The following CNTN1 variants were observed in gnomAD, a reference collection of about 807,000 sequenced individuals.
CNTN1 encodes contactin-1.
CNTN1 carries 38 observed loss-of-function variants against 126.4 expected under a neutral mutation model. The observed-to-expected ratio is 0.30, with a 90% CI of 0.23 to 0.39. The LOEUF is 0.39. Among genes scored for constraint, CNTN1 ranks in the 10% least tolerant of loss-of-function variants. The pLI is 1.00. For missense variants in CNTN1, 1,009 were observed against 1,248.4 expected (o/e 0.81, Z 2.89); for synonymous variants, 413 against 422.6 (o/e 0.98, Z 0.28).
intron 1 of CNTN1, among the ~76,000 whole-genome samples, chr12:40,836,983 A>G (rs1327876745): frequency 2.0e-5 from 3 of 152,182 alleles, no homozygotes; most frequent in Non-Finnish European, 4.4e-5. Flanking sequence ...TTTTCTTGGC[A>G]CTTTGCAGAA....
At chr12:40,940,626 GT>G (rs891613532) in intron 12 of CNTN1, among the ~76,000 whole-genome samples, 7 of 152,236 alleles carry the variant, frequency 4.6e-5, no homozygotes, top group African/African-American at 1.7e-4. Flanking sequence ...AGAACTTGAA[GT>G]TGTAAGACAT....
At chr12:41,033,606 A>C (rs1261803383) in intron 23 of CNTN1, among the ~76,000 whole-genome samples, 3 of 152,154 alleles carry the variant, frequency 2.0e-5, no homozygotes, top group Non-Finnish European at 4.4e-5. Flanking sequence ...AGTCATTTGA[A>C]ATTTTTAAGG....
Position 41,001,633 on chromosome 12 carries a change from T to C in CNTN1, c.2113+8364T>C, listed in dbSNP as rs376194705. Among the ~76,000 whole-genome samples, 23 of 152,352 alleles carry C rather than the reference T, an allele frequency of 1.5e-4. No homozygotes were observed. In the East Asian group the frequency reaches 2.3e-3, roughly 15 times the overall value. On this transcript the variant is annotated intron_variant, in intron 17 of 23. Coordinates refer to ENST00000551295, the MANE Select transcript of CNTN1 (RefSeq NM_001843.4). ...CTAATTTGCCAATTTTTGCTATTGT[T>C]ACAATTGCTTTTGGCATCTTCATCA...
chr12:40,944,260 C>A, intron 14 of CNTN1, 90 bp downstream of exon 14: 1 of 1,257,110 alleles, frequency 8.0e-7, no homozygotes, highest in Non-Finnish European at 1.1e-6. Flanking sequence ...CATTTTATAT[C>A]ATCTTTGTTT....
At chr12:40,880,583 CTT>C (rs1943837753) in intron 1 of CNTN1, among the ~76,000 whole-genome samples, 1 of 151,964 alleles carries the variant, frequency 6.6e-6, no homozygotes, top group African/African-American at 2.4e-5. Context: ...CAAAAAGAAA[CTT>C]TACTCTTAAG....
At chr12:40,825,829 A>G (rs1257127773) in intron 1 of CNTN1, among the ~76,000 whole-genome samples, 2 of 151,738 alleles carry the variant, frequency 1.3e-5, no homozygotes, top group African/African-American at 4.8e-5. Context: ...GATGATGACA[A>G]TGATGATGAT....
At chr12:40,921,497 T>A (rs1266865268) in intron 4 of CNTN1, among the ~76,000 whole-genome samples, 1 of 152,238 alleles carries the variant, frequency 6.6e-6, no homozygotes, top group Non-Finnish European at 1.5e-5. Context: ...CCAGTCTATT[T>A]ATAACACTAT....
At chr12:40,991,735 G>A (rs1423449146) in intron 16 of CNTN1, among the ~76,000 whole-genome samples, 1 of 152,218 alleles carries the variant, frequency 6.6e-6, no homozygotes, top group Non-Finnish European at 1.5e-5. Flanking sequence ...GGCTGAGGCA[G>A]GAGAATGGCG....
chr12:41,036,799 G>A (rs1173943064), intron 23 of CNTN1, among the ~76,000 whole-genome samples: 1 of 152,026 alleles, frequency 6.6e-6, no homozygotes, highest in East Asian at 1.9e-4. Context: ...TGCTAGAAGT[G>A]CAATGACTGG....
intron 3 of CNTN1, among the ~76,000 whole-genome samples, chr12:40,911,232 A>C (rs535861660): frequency 1.6e-3 from 240 of 152,000 alleles, no homozygotes; most frequent in Non-Finnish European, 1.6e-3. Flanking sequence ...AGGCACCCGC[A>C]ACCACGCCCG....
chr12:41,029,350 G>T, intron 23 of CNTN1, 131 bp downstream of exon 23: 1 of 1,028,236 alleles, frequency 9.7e-7, no homozygotes. Context: ...ACATATCAAG[G>T]ATTCCCTGAA....
intron 14 of CNTN1, among the ~76,000 whole-genome samples, chr12:40,949,199 T>G (rs894321739): frequency 8.7e-5 from 7 of 80,002 alleles, no homozygotes; most frequent in Admixed American, 3.9e-4. Flanking sequence ...AGTCAATTTG[T>G]TTTTTTTTTT....
At chr12:40,811,454 A>G (rs1941057432) in intron 1 of CNTN1, among the ~76,000 whole-genome samples, 2 of 152,030 alleles carry the variant, frequency 1.3e-5, no homozygotes, top group Admixed American at 1.3e-4. Context: ...CTTCTCTATA[A>G]TTTTTCAAGC....
chr12:40,714,258 G>A lies in CNTN1; in HGVS notation c.-77+21666G>A, dbSNP rs140624494. Among the ~76,000 whole-genome samples, 31 of 152,120 alleles carry A rather than the reference G, an allele frequency of 2.0e-4. No individual in the cohort carries two copies. In the East Asian group the frequency reaches 4.8e-3, roughly 24 times the overall value. ...AACTCAAGAAAGTCAAGCAGTTTGG[G>A]CACTTCATGAAGAAAAGTGGAACAG... On this transcript the variant is annotated intron_variant, in intron 1 of 23. Coordinates refer to ENST00000551295, the MANE Select transcript of CNTN1 (RefSeq NM_001843.4).
At chr12:40,794,815 G>A (rs1422948701) in intron 1 of CNTN1, among the ~76,000 whole-genome samples, 1 of 152,010 alleles carries the variant, frequency 6.6e-6, no homozygotes, top group African/African-American at 2.4e-5. Context: ...TGCCAATTGA[G>A]GAAGGAAGAA....
chr12:40,991,222 A>G (rs1330883239), intron 16 of CNTN1, among the ~76,000 whole-genome samples: 5 of 151,856 alleles, frequency 3.3e-5, no homozygotes, highest in Admixed American at 3.3e-4. Flanking sequence ...TCACTTTCAT[A>G]TCTACCTTGG....
intron 1 of CNTN1, among the ~76,000 whole-genome samples, chr12:40,700,207 CT>C (rs1015078118): frequency 4.6e-5 from 7 of 151,516 alleles, no homozygotes; most frequent in South Asian, 2.1e-4. Context: ...CTTTCCCTTA[CT>C]TTTTTTTTAA....
chr12:41,065,340 C>A (rs1356667719), intron 23 of CNTN1, among the ~76,000 whole-genome samples: 1 of 152,138 alleles, frequency 6.6e-6, no homozygotes, highest in Non-Finnish European at 1.5e-5. Flanking sequence ...CAGGCGTGAG[C>A]CACCGCACCC....
intron 1 of CNTN1, among the ~76,000 whole-genome samples, chr12:40,718,473 C>T (rs1015296337): frequency 1.3e-5 from 2 of 152,148 alleles, no homozygotes; most frequent in Non-Finnish European, 2.9e-5. Flanking sequence ...GCCATCATTC[C>T]CAGTGTTTTT....
Sources: allele counts gnomAD v4.1 joint callset (sites outside exome capture counted in the v4.1 genomes callset), GRCh38; gene constraint gnomAD v4.1.1; transcripts MANE v1.5; gene names NCBI Gene and HGNC (gene_info 2026-07-23, HGNC 2026-07-21).